Variants in SLC25A44 observed in about 807,000 individuals in gnomAD.
SLC25A44 encodes the protein solute carrier family 25, member 44.
A neutral mutation model predicts 29.9 loss-of-function variants in SLC25A44; 17 were observed. The ratio of observed to expected loss-of-function variants is 0.57; its 90% CI spans 0.39 to 0.85. The LOEUF (loss-of-function observed/expected upper bound fraction) is 0.85, where lower values mean the gene tolerates loss of function less well. SLC25A44 is among the 40% of genes least tolerant of loss of function. The pLI, the probability that SLC25A44 is intolerant of heterozygous loss-of-function variation, is 0.00. For synonymous variants in SLC25A44, 140 were observed against 151.8 expected (o/e 0.92, Z 0.57); for missense variants, 302 against 398.4 (o/e 0.76, Z 2.06).
Position 156,210,136 on chromosome 1 carries a change from G to C in SLC25A44, c.754-104G>C. 6 of 767,026 alleles carry C rather than the reference G, an allele frequency of 7.8e-6. No homozygotes were observed. In the South Asian group the frequency reaches 1.0e-4, roughly 13 times the overall value. 47.5% of individuals were successfully genotyped at this position (767,026 alleles called of 1,614,324 possible). ...CTCACAAGCAGAATCCACACCTTCC[G>C]ACGTCGGAGTCTGGTTCTCCCCACT... is the stretch of plus-strand genomic sequence containing the variant. On this transcript the variant is annotated intron_variant, in intron 3 of 3. Coordinates refer to ENST00000359511, the MANE Select transcript of SLC25A44 (RefSeq NM_014655.4).
rs116098123 is a variant in SLC25A44, at chr1:156,210,136, G to A, written c.754-104G>A. On this transcript the variant is annotated intron_variant, in intron 3 of 3. Coordinates refer to ENST00000359511, the MANE Select transcript of SLC25A44 (RefSeq NM_014655.4). ...CTCACAAGCAGAATCCACACCTTCC[G>A]ACGTCGGAGTCTGGTTCTCCCCACT... 5,951 of 766,952 alleles carry A rather than the reference G, an allele frequency of 7.8e-3. 27 individuals carry two copies. The highest frequency in any genetic ancestry group is 0.011 in the Non-Finnish European group (5,002 of 474,470). The allele number at this position is 766,952 out of a possible 1,614,324, so 47.5% of individuals were successfully genotyped here.
At chr1:156,207,583 G>A (rs1657035403) in intron 2 of SLC25A44, among the ~76,000 whole-genome samples, 1 of 152,102 alleles carries the variant, frequency 6.6e-6, no homozygotes, top group Non-Finnish European at 1.5e-5. Flanking sequence ...CCAGGAGATT[G>A]AGGCTGCAGT....
rs1657219698 is a variant in SLC25A44 at position 156,210,368 on chromosome 1, G to A, written c.882G>A (p.Val294=). ...SATPSTIVIV[V]GYESLKKLSL... is the part of the protein sequence containing the mutation. The stretch of plus-strand genomic sequence containing the variant: ...CACCTTCCACCATTGTCATTGTGGT[G>A]GGCTATGAGAGCCTCAAGAAACTCA... The change falls in exon 4 of 4, where the codon GTG becomes GTA. Residue 294 remains valine (V), a synonymous_variant. Transcript: ENST00000359511. The A allele has an allele frequency of 3.1e-6, 5 of 1,607,232 alleles. No homozygotes were observed. The highest frequency in any genetic ancestry group is 4.2e-6 in the Non-Finnish European group (5 of 1,176,974).
chr1:156,202,732 A>G (rs190530432), intron 2 of SLC25A44, among the ~76,000 whole-genome samples: 102 of 152,248 alleles, frequency 6.7e-4, no homozygotes, highest in Admixed American at 3.4e-3. Flanking sequence ...TGTGTGCCCT[A>G]TCTCTTCTGC....
In SLC25A44 at chr1:156,199,865, C is replaced by G. The variant is rs768331771; in HGVS notation, c.18C>G (p.Asn6Lys). MEDKR[N>K]IQIIEWEHLD... The stretch of plus-strand genomic sequence containing the variant: ...CAGGCACCATGGAGGACAAACGCAA[C>G]ATCCAGATCATCGAGTGGGAACACC... Residue 6 changes from asparagine to lysine, a missense_variant, in exon 2 of 4, where the codon AAC (asparagine) becomes AAG (lysine). Transcript: ENST00000359511. 6.2e-7 allele frequency: 1 copy of G among 1,613,644 alleles called. No homozygotes were observed. The highest frequency in any genetic ancestry group is 8.5e-7 in the Non-Finnish European group (1 of 1,179,770).
At chr1:156,209,323 C>T (rs1657148241) in intron 3 of SLC25A44, among the ~76,000 whole-genome samples, 2 of 152,054 alleles carry the variant, frequency 1.3e-5, no homozygotes, top group South Asian at 4.1e-4. Context: ...CTTGACATGG[C>T]TGTGGAAAAA....
chr1:156,196,429 T>A (rs1464271237), intron 1 of SLC25A44: 1 of 152,164 alleles, frequency 6.6e-6, no homozygotes, highest in Non-Finnish European at 1.5e-5. Flanking sequence ...GAGTTTAAAA[T>A]AGATTGGCAT....
At position 156,198,726 on chromosome 1, in the gene SLC25A44, T is replaced by G. The variant is rs1299915082; in HGVS notation, c.-13-1109T>G. On this transcript the variant is annotated intron_variant, in intron 1 of 3. Coordinates refer to ENST00000359511, the MANE Select transcript of SLC25A44 (RefSeq NM_014655.4). The surrounding 1 kb of genome is among the most constrained non-coding windows in gnomAD (Gnocchi z 4.1). ...TTGGCCTCCCAAAGTGTTGGGATTATAGGCGTGAGCCACTGTGTCCAGCCT... is the reference window on the plus strand; with the variant it reads ...TTGGCCTCCCAAAGTGTTGGGATTAGAGGCGTGAGCCACTGTGTCCAGCCT... The G allele has an allele frequency of 6.6e-6, 1 of 152,354 alleles. No individual in the cohort carries two copies. Among genetic ancestry groups the G allele is most frequent in the African/African-American group, 2.4e-5 (1 of 41,474 alleles). 9.4% of individuals were successfully genotyped at this position (152,354 alleles called of 1,614,324 possible).
Position 156,200,414 on chromosome 1 carries a change from ACTGCTTAC to A in SLC25A44, c.570_577del (p.Leu191TyrfsTer24), listed in dbSNP as rs749046210. The A allele has an allele frequency of 6.2e-7, 1 of 1,613,860 alleles. No individual in the cohort carries two copies. The highest frequency in any genetic ancestry group is 8.5e-7 in the Non-Finnish European group (1 of 1,180,024). On this transcript the variant is annotated frameshift_variant, in exon 2 of 4. Transcript: ENST00000359511. LOFTEE classifies it high-confidence loss of function. ...GCTTCTATCGAGGCTATGTGGCTTCACTGCTTACCTATATCCCAAACAGTGCTGTCTGG... is the reference window on the plus strand; with the variant it reads ...GCTTCTATCGAGGCTATGTGGCTTCACTATATCCCAAACAGTGCTGTCTGG...
chr1:156,200,373 G>T lies in SLC25A44; in HGVS notation c.526G>T (p.Ala176Ser). Residue 176 changes from alanine to serine, a missense_variant, in exon 2 of 4, where the codon GCT (alanine) becomes TCT (serine). Coordinates refer to ENST00000359511, the MANE Select transcript of SLC25A44 (RefSeq NM_014655.4). ...GGACATCATCAGGCAGATCCTGCAGGCTGATGGACTTCGCGGCTTCTATCG... is the reference window on the plus strand; with the variant it reads ...GGACATCATCAGGCAGATCCTGCAGTCTGATGGACTTCGCGGCTTCTATCG... ...TKDIIRQILQ[A>S]DGLRGFYRGY... 2 of 1,614,072 alleles carry T rather than the reference G, an allele frequency of 1.2e-6. No homozygotes were observed. The highest frequency in any genetic ancestry group is 1.1e-5 in the South Asian group (1 of 91,076).
chr1:156,198,764 C>G lies in SLC25A44; in HGVS notation c.-13-1071C>G, dbSNP rs1443171565. The stretch of plus-strand genomic sequence containing the variant: ...CTGTGTCCAGCCTTTTCCTCTGTAT[C>G]TTGTATCCATTCCCCAGAGCGATAC... On this transcript the variant is annotated intron_variant, in intron 1 of 3. Transcript: ENST00000359511. The surrounding 1 kb of genome is among the most constrained non-coding windows in gnomAD (Gnocchi z 4.1). 1 of 152,232 alleles carries G rather than the reference C, an allele frequency of 6.6e-6. No homozygotes were observed. Among genetic ancestry groups the G allele is most frequent in the Non-Finnish European group, 1.5e-5 (1 of 68,056 alleles). 9.4% of individuals were successfully genotyped at this position (152,232 alleles called of 1,614,324 possible).
In SLC25A44 at chr1:156,199,953, T is replaced by A. The variant is rs374432697; in HGVS notation, c.106T>A (p.Tyr36Asn). ...AMTMMIRVSV[Y>N]PFTLIRTRLQ... ...GACAATGATGATCCGTGTCAGTGTC[T>A]ACCCATTCACCCTCATCCGCACCCG... Residue 36 changes from tyrosine (Y) to asparagine (N), a missense_variant, in exon 2 of 4, where the codon TAC becomes AAC. By Grantham distance (143) the Tyr-to-Asn change is moderately radical (BLOSUM62 -2). Coordinates refer to ENST00000359511, the MANE Select transcript of SLC25A44 (RefSeq NM_014655.4). 6.2e-7 allele frequency: 1 copy of A among 1,614,212 alleles called. No individual in the cohort carries two copies. The highest frequency in any genetic ancestry group is 8.5e-7 in the Non-Finnish European group (1 of 1,180,018).
In SLC25A44 at chr1:156,212,420, C is replaced by T. The variant is rs1657395749; in HGVS notation, c.*1989C>T. 6.6e-6 allele frequency: 1 copy of T among 152,518 alleles called. No homozygotes were observed. The highest frequency in any genetic ancestry group is 1.5e-5 in the Non-Finnish European group (1 of 68,116). 9.4% of individuals were successfully genotyped at this position (152,518 alleles called of 1,614,324 possible). A position where few individuals can be genotyped will look rare whatever the true frequency, so the allele number is the denominator to read the frequency against. On this transcript the variant is annotated 3_prime_UTR_variant, in exon 4 of 4. Coordinates refer to ENST00000359511, the MANE Select transcript of SLC25A44 (RefSeq NM_014655.4). ...GTTGTCTTGTGCAGTATTTTACAGC[C>T]CCTCTTGTGTTTTTCTTTATTTCTC... is the stretch of plus-strand genomic sequence containing the variant.
intron 1 of SLC25A44, among the ~76,000 whole-genome samples, chr1:156,194,849 T>C (rs989652158): frequency 1.3e-5 from 2 of 152,152 alleles, no homozygotes; most frequent in African/African-American, 4.8e-5. Context: ...TCAGGAGTTG[T>C]AGAAGATGAT....
intron 2 of SLC25A44, among the ~76,000 whole-genome samples, chr1:156,205,340 C>G (rs983990945): frequency 6.6e-6 from 1 of 152,016 alleles, no homozygotes; most frequent in African/African-American, 2.4e-5. Context: ...CCACGCCTGG[C>G]CGAGGAAAAA....
intron 1 of SLC25A44, chr1:156,197,936 C>T (rs1656322826): frequency 6.6e-6 from 1 of 152,196 alleles, no homozygotes; most frequent in Admixed American, 6.5e-5. Context: ...TCCTGAAAAG[C>T]TGCCCTTGCT....
Position 156,210,522 on chromosome 1 carries a change from C to T in SLC25A44, c.*91C>T, listed in dbSNP as rs930394073. On this transcript the variant is annotated 3_prime_UTR_variant, in exon 4 of 4. Coordinates refer to ENST00000359511, the MANE Select transcript of SLC25A44 (RefSeq NM_014655.4). ...ACAGCACCCTCTCCAGGTGCTCCCACCACACACCCAGCCCTGCCCTGGGCC... is the reference window on the plus strand; with the variant it reads ...ACAGCACCCTCTCCAGGTGCTCCCATCACACACCCAGCCCTGCCCTGGGCC... The T allele has an allele frequency of 1.1e-6, 1 of 928,448 alleles. No individual in the cohort carries two copies. Among genetic ancestry groups the T allele is most frequent in the East Asian group, 3.0e-5 (1 of 33,748 alleles). The allele number at this position is 928,448 out of a possible 1,614,324, so 57.5% of individuals were successfully genotyped here. A position where few individuals can be genotyped will look rare whatever the true frequency, so the allele number is the denominator to read the frequency against.
At chr1:156,210,026 ATGT>A (rs1200813348) in intron 3 of SLC25A44, among the ~76,000 whole-genome samples, 6 of 152,012 alleles carry the variant, frequency 3.9e-5, no homozygotes, top group Admixed American at 3.9e-4. Flanking sequence ...ACCCAAGGTT[ATGT>A]TGTTAGTAGG....
rs182987133 is a variant in SLC25A44, at chr1:156,204,765, C to T, written c.626-3121C>T. On this transcript the variant is annotated intron_variant, in intron 2 of 3. Coordinates refer to ENST00000359511, the MANE Select transcript of SLC25A44 (RefSeq NM_014655.4). ...AGCCTTCGAAAAGTGTGAGCCACCA[C>T]GCCTGGTCCAGATGCTACAGTTTAA... Among the ~76,000 whole-genome samples the T allele has an allele frequency of 1.0e-3, 157 of 152,232 alleles. 1 individual carries two copies. Among genetic ancestry groups the T allele is most frequent in the Admixed American group, 0.01 (156 of 15,288 alleles).
Sources: allele counts gnomAD v4.1 joint callset (sites outside exome capture counted in the v4.1 genomes callset), GRCh38; gene constraint gnomAD v4.1.1; non-coding constraint Gnocchi (gnomAD v3.1); transcripts MANE v1.5; gene names NCBI Gene and HGNC (gene_info 2026-07-23, HGNC 2026-07-21).